NEGR1: variants seen among roughly 807,000 people sequenced by gnomAD.
NEGR1 encodes IgLON family member 4.
A neutral mutation model predicts 40.9 loss-of-function variants in NEGR1; 10 were observed. The ratio of observed to expected loss-of-function variants is 0.24; its 90% CI spans 0.15 to 0.42. The LOEUF (loss-of-function observed/expected upper bound fraction) is 0.42. NEGR1 is among the 10% of genes least tolerant of loss of function. NEGR1 has a pLI of 1.00. For missense variants in NEGR1, 352 were observed against 438.9 expected, an observed-to-expected ratio of 0.80 and a Z score of 1.77; for synonymous variants, 185 against 166.8, an observed-to-expected ratio of 1.11 and a Z score of -0.84.
chr1:71,659,989 G>T (rs770012568), intron 4 of NEGR1, among the ~76,000 whole-genome samples: 1 of 152,010 alleles, frequency 6.6e-6, no homozygotes, highest in Admixed American at 6.6e-5. Context: ...ATACCCAGAA[G>T]AATATAAATC....
chr1:72,067,141 C>T (rs1349971804), intron 1 of NEGR1, among the ~76,000 whole-genome samples: 1 of 152,100 alleles, frequency 6.6e-6, no homozygotes, highest in Admixed American at 6.6e-5. Flanking sequence ...GTACTATAAA[C>T]ATGGAAAAGA....
intron 3 of NEGR1, among the ~76,000 whole-genome samples, chr1:71,717,574 A>G (rs1032357386): frequency 6.6e-6 from 1 of 152,178 alleles, no homozygotes; most frequent in Non-Finnish European, 1.5e-5. Flanking sequence ...AGTATTTTTA[A>G]GCTGTACTTG....
intron 3 of NEGR1, among the ~76,000 whole-genome samples, chr1:71,767,409 T>C (rs1656169691): frequency 6.6e-6 from 1 of 152,174 alleles, no homozygotes; most frequent in African/African-American, 2.4e-5. Context: ...GTGGAACTTT[T>C]AACTTGAGAA....
chr1:71,876,484 C>T (rs781690359), intron 2 of NEGR1, among the ~76,000 whole-genome samples: 11 of 148,274 alleles, frequency 7.4e-5, no homozygotes, highest in Non-Finnish European at 1.5e-4. Flanking sequence ...CTAGCCTGGG[C>T]GATAGAGTGA....
At chr1:71,702,885 A>T (rs1466099173) in intron 3 of NEGR1, among the ~76,000 whole-genome samples, 1 of 152,186 alleles carries the variant, frequency 6.6e-6, no homozygotes, top group Non-Finnish European at 1.5e-5. Flanking sequence ...GGTGGAAACT[A>T]GAGCCCAGTG....
intron 1 of NEGR1, among the ~76,000 whole-genome samples, chr1:72,122,342 C>CAGGACCCTAT (rs1553142442): frequency 6.6e-6 from 1 of 151,930 alleles, no homozygotes; most frequent in Non-Finnish European, 1.5e-5. Context: ...AACAATCCCC[C>CAGGACCCTAT]AGGACCCTAT....
At chr1:71,958,109 C>A (rs1224261244) in intron 1 of NEGR1, among the ~76,000 whole-genome samples, 1 of 152,168 alleles carries the variant, frequency 6.6e-6, no homozygotes, top group Non-Finnish European at 1.5e-5. Flanking sequence ...TTGTGTAGGT[C>A]ATAAAGGACC....
At chr1:71,930,392 T>C (rs554624374) in intron 2 of NEGR1, among the ~76,000 whole-genome samples, 3 of 152,292 alleles carry the variant, frequency 2.0e-5, no homozygotes, top group African/African-American at 7.2e-5. Context: ...CTAGATATAT[T>C]GGCTTTCAGA....
At chr1:71,456,942 T>C (rs528628459) in intron 6 of NEGR1, among the ~76,000 whole-genome samples, 2 of 152,354 alleles carry the variant, frequency 1.3e-5, no homozygotes, top group South Asian at 4.1e-4. Context: ...CCTGGGACTT[T>C]ACTAGCTTTA....
intron 1 of NEGR1, among the ~76,000 whole-genome samples, chr1:72,216,799 CATA>C (rs939457358): frequency 6.6e-6 from 1 of 151,284 alleles, no homozygotes; most frequent in Non-Finnish European, 1.5e-5. Context: ...GTGTCTAGAA[CATA>C]ATAAAAGTTA....
intron 1 of NEGR1, among the ~76,000 whole-genome samples, chr1:72,217,962 T>A (rs1653880142): frequency 1.3e-5 from 2 of 151,858 alleles, no homozygotes; most frequent in Admixed American, 6.6e-5. Flanking sequence ...GGGCATGTTA[T>A]CATTTAGCTG....
chr1:71,526,780 C>T (rs1441122326), intron 6 of NEGR1, among the ~76,000 whole-genome samples: 11 of 151,658 alleles, frequency 7.3e-5, no homozygotes, highest in Non-Finnish European at 4.4e-5. Context: ...CTCAGAGTTA[C>T]ATAGGAAGCC....
intron 1 of NEGR1, among the ~76,000 whole-genome samples, chr1:72,257,166 C>A (rs532011339): frequency 5.3e-5 from 8 of 151,696 alleles, no homozygotes; most frequent in Non-Finnish European, 7.4e-5. Flanking sequence ...ACTAAAAATA[C>A]AAAATATTAG....
At chr1:71,954,195 T>C (rs1233126640) in intron 1 of NEGR1, among the ~76,000 whole-genome samples, 1 of 151,662 alleles carries the variant, frequency 6.6e-6, no homozygotes, top group Non-Finnish European at 1.5e-5. Context: ...GAAACACAGA[T>C]AAAGAGACAC....
At chr1:71,752,129 T>C (rs984278288) in intron 3 of NEGR1, among the ~76,000 whole-genome samples, 1 of 152,198 alleles carries the variant, frequency 6.6e-6, no homozygotes, top group Non-Finnish European at 1.5e-5. Flanking sequence ...TAGAAGTCCA[T>C]ATTCAGTGTA....
chr1:71,843,777 TA>T (rs1258109395), intron 2 of NEGR1, among the ~76,000 whole-genome samples: 1 of 152,188 alleles, frequency 6.6e-6, no homozygotes, highest in Admixed American at 6.6e-5. Flanking sequence ...GACCTATTTT[TA>T]TACCTCATTG....
At chr1:72,176,578 T>C (rs1652173723) in intron 1 of NEGR1, among the ~76,000 whole-genome samples, 1 of 152,090 alleles carries the variant, frequency 6.6e-6, no homozygotes, top group South Asian at 2.1e-4. Context: ...AGTTAATCAA[T>C]GTTAGCACTG....
intron 6 of NEGR1, among the ~76,000 whole-genome samples, chr1:71,575,198 G>A (rs966522070): frequency 2.0e-5 from 3 of 152,162 alleles, no homozygotes; most frequent in African/African-American, 4.8e-5. Context: ...AATTGATTAA[G>A]AGCCTGGTAA....
chr1:72,063,059 G>C (rs111458077), intron 1 of NEGR1, among the ~76,000 whole-genome samples: 1 of 151,594 alleles, frequency 6.6e-6, no homozygotes, highest in East Asian at 1.9e-4. Context: ...TAGAAGTCTC[G>C]AATAGATTAT....
Sources: allele counts gnomAD v4.1 joint callset (sites outside exome capture counted in the v4.1 genomes callset), GRCh38; gene constraint gnomAD v4.1.1; transcripts MANE v1.5; gene names NCBI Gene and HGNC (gene_info 2026-07-23, HGNC 2026-07-21).